SSH2: variants seen among roughly 807,000 people sequenced by gnomAD.
SSH2 encodes slingshot protein phosphatase 2.
In SSH2, 37 loss-of-function variants were observed where a neutral mutation model predicts 135.2. That is an observed-to-expected ratio of 0.27 (90% CI 0.21 to 0.36). The LOEUF is 0.36. SSH2 is among the 10% of genes least tolerant of loss of function. The probability of loss-of-function intolerance (pLI) is 1.00; values close to 1 mark genes in which losing one functional copy is unlikely to be tolerated. For missense variants in SSH2, 1,408 were observed against 1,765.3 expected, an observed-to-expected ratio of 0.80 and a Z score of 3.63; for synonymous variants, 628 against 646.2, an observed-to-expected ratio of 0.97 and a Z score of 0.43.
chr17:29,799,483 C>G (rs762131464), intron 2 of SSH2, among the ~76,000 whole-genome samples: 3 of 152,156 alleles, frequency 2.0e-5, no homozygotes, highest in Non-Finnish European at 4.4e-5. Context: ...AATGTTTTAT[C>G]TCATTATGGT....
chr17:29,905,776 T>C (rs1298201194), intron 1 of SSH2, among the ~76,000 whole-genome samples: 1 of 152,090 alleles, frequency 6.6e-6, no homozygotes, highest in African/African-American at 2.4e-5. Flanking sequence ...AACTGGTGCC[T>C]TTCTCAGGAC....
intron 1 of SSH2, among the ~76,000 whole-genome samples, chr17:29,861,111 G>C (rs930196360): frequency 5.9e-5 from 9 of 151,950 alleles, no homozygotes; most frequent in African/African-American, 2.2e-4. Context: ...GTTCCTTATA[G>C]ATGCTGGATA....
At chr17:29,635,061 C>G (rs1239022732) in intron 15 of SSH2, among the ~76,000 whole-genome samples, 4 of 151,668 alleles carry the variant, frequency 2.6e-5, no homozygotes, top group Non-Finnish European at 5.9e-5. Flanking sequence ...CGCCACCACA[C>G]CCCAGCTAAT....
chr17:29,825,136 G>A (rs1017232530), intron 2 of SSH2, among the ~76,000 whole-genome samples: 2 of 151,900 alleles, frequency 1.3e-5, no homozygotes, highest in African/African-American at 4.8e-5. Flanking sequence ...ATTTTCCTAC[G>A]GACAGTTTCT....
At chr17:29,722,441 C>A (rs1466720352) in intron 3 of SSH2, among the ~76,000 whole-genome samples, 1 of 151,996 alleles carries the variant, frequency 6.6e-6, no homozygotes, top group Non-Finnish European at 1.5e-5. Context: ...AAGGACTCAT[C>A]GATGGAGTAC....
intron 1 of SSH2, among the ~76,000 whole-genome samples, chr17:29,864,747 TC>T (rs2065826140): frequency 6.6e-6 from 1 of 152,068 alleles, no homozygotes; most frequent in Non-Finnish European, 1.5e-5. Context: ...ATAATCAGCT[TC>T]CCTAAAAGGG....
chr17:29,849,478 C>T (rs1265413898), intron 1 of SSH2, among the ~76,000 whole-genome samples: 1 of 48,334 alleles, frequency 2.1e-5, no homozygotes, highest in Non-Finnish European at 4.5e-5. Context: ...GACTCCGTCT[C>T]AAAAAAAAAA....
intron 2 of SSH2, among the ~76,000 whole-genome samples, chr17:29,819,064 T>C (rs533886684): frequency 3.7e-4 from 57 of 152,038 alleles, no homozygotes; most frequent in South Asian, 1.5e-3. Context: ...CCGTCTCTAC[T>C]AAAAATACAA....
chr17:29,788,565 TTTTC>T (rs751430258), intron 3 of SSH2, among the ~76,000 whole-genome samples: 32 of 152,012 alleles, frequency 2.1e-4, no homozygotes, highest in Non-Finnish European at 3.2e-4. Flanking sequence ...AATTTCTTTC[TTTTC>T]TTTCTTTCTT....
At chr17:29,870,278 T>A (rs1239098303) in intron 1 of SSH2, among the ~76,000 whole-genome samples, 4 of 144,278 alleles carry the variant, frequency 2.8e-5, no homozygotes, top group East Asian at 4.0e-4. Context: ...GCAGAATAGG[T>A]AAAAAAAAAA....
intron 2 of SSH2, among the ~76,000 whole-genome samples, chr17:29,832,693 G>C (rs1160671532): frequency 1.3e-5 from 2 of 151,772 alleles, no homozygotes; most frequent in African/African-American, 4.8e-5. Context: ...CTTTTTTTGA[G>C]ACAGTCTTAC....
chr17:29,807,039 G>A (rs1599025624), intron 2 of SSH2, among the ~76,000 whole-genome samples: 1 of 152,168 alleles, frequency 6.6e-6, no homozygotes, highest in Non-Finnish European at 1.5e-5. Context: ...GTTTCTTGTA[G>A]CATTAAACAT....
chr17:29,869,685 C>T (rs1489246716), intron 1 of SSH2, among the ~76,000 whole-genome samples: 3 of 152,128 alleles, frequency 2.0e-5, no homozygotes, highest in Non-Finnish European at 4.4e-5. Context: ...AATAAGACCC[C>T]CTGATTATTG....
chr17:29,770,108 T>G (rs549920903), intron 3 of SSH2, among the ~76,000 whole-genome samples: 21 of 148,482 alleles, frequency 1.4e-4, no homozygotes, highest in African/African-American at 5.0e-4. Flanking sequence ...TTTTTTTTTT[T>G]TTTTTTTTTT....
intron 3 of SSH2, among the ~76,000 whole-genome samples, chr17:29,736,520 G>T (rs1567930642): frequency 6.6e-6 from 1 of 152,164 alleles, no homozygotes; most frequent in African/African-American, 2.4e-5. Flanking sequence ...GGGCGCGGTG[G>T]CTCACGCCTA....
intron 3 of SSH2, among the ~76,000 whole-genome samples, chr17:29,752,028 CTG>C (rs1375317671): frequency 6.6e-6 from 1 of 152,076 alleles, no homozygotes; most frequent in East Asian, 1.9e-4. Flanking sequence ...ATAAGGAAAA[CTG>C]TACAATTTAA....
intron 3 of SSH2, among the ~76,000 whole-genome samples, chr17:29,731,417 T>TTTTATTTATTTA (rs142032070): frequency 8.4e-6 from 1 of 119,724 alleles, no homozygotes; most frequent in African/African-American, 3.0e-5. Context: ...CAGAAGTATT[T>TTTTATTTATTTA]TTTATTTATT....
rs189657200 is a variant in SSH2 at position 29,828,941 on chromosome 17, C to G, written c.144+19908G>C. Among the ~76,000 whole-genome samples, 4 of 152,160 alleles carry G rather than the reference C, an allele frequency of 2.6e-5. No homozygotes were observed. In the East Asian group the frequency reaches 5.8e-4, roughly 22 times the overall value. ...CCCCAGTGGCGTTAAAGTAAGCAAC[C>G]CTTCTGCTTCCATTTCCATCTCCAA... is the stretch of plus-strand genomic sequence containing the variant. On this transcript the variant is annotated intron_variant, in intron 2 of 15. Transcript: ENST00000540801.
intron 3 of SSH2, among the ~76,000 whole-genome samples, chr17:29,779,975 C>T (rs767414307): frequency 6.6e-6 from 1 of 151,984 alleles, no homozygotes; most frequent in Non-Finnish European, 1.5e-5. Context: ...GTAATCCCAG[C>T]ACTTTGGGAG....
Sources: allele counts gnomAD v4.1 joint callset (sites outside exome capture counted in the v4.1 genomes callset), GRCh38; gene constraint gnomAD v4.1.1; transcripts MANE v1.5; gene names NCBI Gene and HGNC (gene_info 2026-07-23, HGNC 2026-07-21).